The following POT1 variants were observed in gnomAD, a reference collection of about 807,000 sequenced individuals.
POT1 encodes the protein protection of telomeres 1, also known as protection of telomeres protein 1.
A neutral mutation model predicts 78.5 loss-of-function variants in POT1; 47 were observed. That is an observed-to-expected ratio of 0.60 (90% CI 0.47 to 0.76). The LOEUF is 0.76. Ranked by LOEUF, POT1 falls within the 30% of genes least tolerant of loss-of-function variation. The probability of loss-of-function intolerance (pLI) is 0.00; values close to 1 mark genes in which losing one functional copy is unlikely to be tolerated. For missense variants in POT1, 646 were observed against 749.9 expected, an observed-to-expected ratio of 0.86 and a Z score of 1.62; for synonymous variants, 259 against 260.7, an observed-to-expected ratio of 0.99 and a Z score of 0.06.
In POT1 at chr7:124,825,319, C is replaced by T; in HGVS notation, c.1725G>A (p.Met575Ile). The change falls in exon 18 of 19, where the codon ATG (methionine) becomes ATA (isoleucine). Residue 575 changes from methionine (M) to isoleucine (I), a missense_variant. Physicochemically the swap from Met to Ile is conservative, Grantham distance 10. Coordinates refer to ENST00000357628, the MANE Select transcript of POT1 (RefSeq NM_015450.3). ...CCACACTTTTCTGAAGGTCATCATC[C>T]ATCAGAACTTCTGATGCTGGAATCT... Reference protein sequence around the residue: ...FFQIPASEVLMDDDLQKSVDM... With the variant: ...FFQIPASEVLIDDDLQKSVDM... 6.2e-7 allele frequency: 1 copy of T among 1,610,138 alleles called. No homozygotes were observed.
intron 7 of POT1, among the ~76,000 whole-genome samples, chr7:124,864,515 A>T (rs1795674950): frequency 6.6e-6 from 1 of 150,478 alleles, no homozygotes; most frequent in African/African-American, 2.4e-5. Flanking sequence ...TTTTAAAACC[A>T]TTTTTTTTCC....
At chr7:124,857,157 T>C (rs1481547674) in intron 9 of POT1, among the ~76,000 whole-genome samples, 1 of 152,248 alleles carries the variant, frequency 6.6e-6, no homozygotes, top group Non-Finnish European at 1.5e-5. Context: ...GGCCACTGAT[T>C]TATAAAGGGA....
In POT1 at chr7:124,822,513, G is replaced by A. The variant is rs1241682240; in HGVS notation, c.*1449C>T. 1 of 454,126 alleles carries A rather than the reference G, an allele frequency of 2.2e-6. No homozygotes were observed. The highest frequency in any genetic ancestry group is 4.4e-6 in the Non-Finnish European group (1 of 225,480). 28.1% of individuals were successfully genotyped at this position (454,126 alleles called of 1,614,324 possible). On this transcript the variant is annotated 3_prime_UTR_variant, in exon 19 of 19. Coordinates refer to ENST00000357628, the MANE Select transcript of POT1 (RefSeq NM_015450.3). ...TTGCAGGCTCACAGTGTGAACATAT[G>A]GCACCTTTGGACCTCTACTCTTCTA...
intron 6 of POT1, among the ~76,000 whole-genome samples, chr7:124,879,479 C>A (rs770327791): frequency 1.2e-4 from 18 of 152,114 alleles, no homozygotes; most frequent in Non-Finnish European, 2.1e-4. Flanking sequence ...TGTGGAGTAA[C>A]TGGCATTAAT....
At chr7:124,924,253 GGA>G (rs1244966727) in intron 2 of POT1, among the ~76,000 whole-genome samples, 5 of 150,144 alleles carry the variant, frequency 3.3e-5, no homozygotes, top group Non-Finnish European at 7.4e-5. Context: ...ACCAAGAAAA[GGA>G]GAGAAAAGAT....
At chr7:124,894,992 A>G (rs570854880) in intron 5 of POT1, among the ~76,000 whole-genome samples, 1 of 151,844 alleles carries the variant, frequency 6.6e-6, no homozygotes, top group African/African-American at 2.4e-5. Flanking sequence ...CAACAGGCAT[A>G]TAATATTTAT....
rs145472603 is a variant in POT1 at position 124,889,144 on chromosome 7, A to C, written c.124+3122T>G. Among the ~76,000 whole-genome samples, 34 of 152,198 alleles carry C rather than the reference A, an allele frequency of 2.2e-4. 1 individual carries two copies. In the East Asian group the frequency reaches 6.0e-3, roughly 27 times the overall value. On this transcript the variant is annotated intron_variant, in intron 6 of 18. Transcript: ENST00000357628. ...AGAAAAAGCTCCTGAAGGAAATTAA[A>C]GGTGCTACTTTAGTGAACACATGAA...
In POT1 at chr7:124,847,041, T is replaced by A. The variant is rs754506791; in HGVS notation, c.950-43A>T. 5.9e-6 allele frequency: 8 copies of A among 1,358,280 alleles called. No individual in the cohort carries two copies. The Admixed American group carries it at 1.4e-4, about 24-fold the overall frequency. 84.1% of individuals were successfully genotyped at this position (1,358,280 alleles called of 1,614,324 possible). A position where few individuals can be genotyped will look rare whatever the true frequency, so the allele number is the denominator to read the frequency against. On this transcript the variant is annotated intron_variant, in intron 11 of 18. Coordinates refer to ENST00000357628, the MANE Select transcript of POT1 (RefSeq NM_015450.3). Reference sequence around the variant, plus strand: ...CAAAAAAATTAAGTCCATTACAACTTCATTGTAGAACTGAAAACAATGGAG... The same window carrying A: ...CAAAAAAATTAAGTCCATTACAACTACATTGTAGAACTGAAAACAATGGAG...
intron 5 of POT1, among the ~76,000 whole-genome samples, chr7:124,896,713 G>A (rs1796500239): frequency 1.3e-5 from 2 of 151,372 alleles, no homozygotes; most frequent in African/African-American, 2.4e-5. Context: ...TAAAATAGTG[G>A]GGAAAATGGT....
Position 124,827,287 on chromosome 7 carries a change from AG to A in POT1, c.1612del (p.Leu538SerfsTer7). The A allele has an allele frequency of 6.3e-7, 1 of 1,593,876 alleles. No individual in the cohort carries two copies. Among genetic ancestry groups the A allele is most frequent in the Non-Finnish European group, 8.6e-7 (1 of 1,164,572 alleles). On this transcript the variant is annotated frameshift_variant, in exon 17 of 19. Coordinates refer to ENST00000357628, the MANE Select transcript of POT1 (RefSeq NM_015450.3). LOFTEE classifies it high-confidence loss of function. ...SVAEALGIVP[L>X]QYVFVMTFTL... The stretch of plus-strand genomic sequence containing the variant: ...AAAGGTCATAACAAACACATATTGG[AG>A]GGGTACAATACCCAGTGCTAGTGAA...
At chr7:124,862,329 G>A (rs759878752) in intron 8 of POT1, among the ~76,000 whole-genome samples, 4 of 152,148 alleles carry the variant, frequency 2.6e-5, no homozygotes, top group African/African-American at 4.8e-5. Context: ...TAGAGTCCTT[G>A]TCATAGGAAG....
At chr7:124,885,198 G>T (rs1168626236) in intron 6 of POT1, among the ~76,000 whole-genome samples, 2 of 145,150 alleles carry the variant, frequency 1.4e-5, no homozygotes, top group African/African-American at 5.1e-5. Context: ...GTTCACACCG[G>T]TAATCCCAGC....
At chr7:124,884,159 T>C (rs1285514080) in intron 6 of POT1, among the ~76,000 whole-genome samples, 3 of 152,110 alleles carry the variant, frequency 2.0e-5, no homozygotes, top group African/African-American at 7.2e-5. Flanking sequence ...CATGTCCTTC[T>C]CAGATGTGAA....
At chr7:124,829,589 G>A (rs1489566839) in intron 15 of POT1, among the ~76,000 whole-genome samples, 2 of 151,838 alleles carry the variant, frequency 1.3e-5, no homozygotes, top group Non-Finnish European at 2.9e-5. Flanking sequence ...TTGAGAACAG[G>A]GTGCTCGGTT....
intron 15 of POT1, among the ~76,000 whole-genome samples, chr7:124,832,357 T>C (rs927689755): frequency 6.6e-6 from 1 of 152,130 alleles, no homozygotes; most frequent in Non-Finnish European, 1.5e-5. Context: ...TTTTTAATTT[T>C]TCTATAAGTT....
intron 3 of POT1, among the ~76,000 whole-genome samples, chr7:124,903,312 T>C (rs1438082283): frequency 6.6e-6 from 1 of 152,172 alleles, no homozygotes; most frequent in Non-Finnish European, 1.5e-5. Context: ...ACAGAAATTA[T>C]AACAAACTGT....
intron 7 of POT1, among the ~76,000 whole-genome samples, chr7:124,865,675 T>C (rs1414327525): frequency 6.6e-6 from 1 of 151,430 alleles, no homozygotes; most frequent in African/African-American, 2.4e-5. Flanking sequence ...TTTCACTTAA[T>C]TCCTTTTTTA....
At position 124,822,667 on chromosome 7, in the gene POT1, C is replaced by T. The variant is rs1425851978; in HGVS notation, c.*1295G>A. On this transcript the variant is annotated 3_prime_UTR_variant, in exon 19 of 19. Transcript: ENST00000357628. Reference sequence around the variant, plus strand: ...TATTTTTCCTGAAAATGTTTTGAACCAAGAGTCTATATTCTTGAAAATAAA... The same window carrying T: ...TATTTTTCCTGAAAATGTTTTGAACTAAGAGTCTATATTCTTGAAAATAAA... 1 of 362,398 alleles carries T rather than the reference C, an allele frequency of 2.8e-6. No homozygotes were observed. Among genetic ancestry groups the T allele is most frequent in the African/African-American group, 2.1e-5 (1 of 48,026 alleles). 22.4% of individuals were successfully genotyped at this position (362,398 alleles called of 1,614,324 possible). A position where few individuals can be genotyped will look rare whatever the true frequency, so the allele number is the denominator to read the frequency against.
At position 124,851,477 on chromosome 7, in the gene POT1, G is replaced by A. The variant is rs143120618; in HGVS notation, c.949+395C>T. ...TTAGATACCTGATTAATTCAATAAAGACTAGTAACTATGTATACATCTAAC... is the reference window on the plus strand; with the variant it reads ...TTAGATACCTGATTAATTCAATAAAAACTAGTAACTATGTATACATCTAAC... On this transcript the variant is annotated intron_variant, in intron 11 of 18. Coordinates refer to ENST00000357628, the MANE Select transcript of POT1 (RefSeq NM_015450.3). Among the ~76,000 whole-genome samples, 775 of 152,240 alleles carry A rather than the reference G, an allele frequency of 5.1e-3. 9 individuals carry two copies. The highest frequency in any genetic ancestry group is 0.017 in the African/African-American group (712 of 41,528).
Sources: allele counts gnomAD v4.1 joint callset (sites outside exome capture counted in the v4.1 genomes callset), GRCh38; gene constraint gnomAD v4.1.1; transcripts MANE v1.5; gene names NCBI Gene and HGNC (gene_info 2026-07-23, HGNC 2026-07-21).